ODAD2: variants seen among roughly 807,000 people sequenced by gnomAD.
ODAD2 encodes outer dynein arm-docking complex subunit 2.
A neutral mutation model predicts 106.8 loss-of-function variants in ODAD2; 89 were observed. The ratio of observed to expected loss-of-function variants is 0.83; its 90% CI spans 0.70 to 0.99. ODAD2 has a LOEUF of 0.99. ODAD2 is among the 50% of genes least tolerant of loss of function. The probability of loss-of-function intolerance (pLI) is 0.00; values close to 1 mark genes in which losing one functional copy is unlikely to be tolerated. For synonymous variants in ODAD2, 404 were observed against 436.2 expected (o/e 0.93, Z 0.92); for missense variants, 1,168 against 1,238.5 (o/e 0.94, Z 0.85).
Position 27,979,469 on chromosome 10 carries a change from CACAG to C in ODAD2, c.936+1993_936+1996del, listed in dbSNP as rs773501522. ...ATACACACACACACACACACACACA[CACAG>C]AGTTAAATGAATTCAGTGAAGTTGC... On this transcript the variant is annotated intron_variant, in intron 7 of 19. Coordinates refer to ENST00000305242, the MANE Select transcript of ODAD2 (RefSeq NM_018076.5). 2.6e-3 allele frequency among the ~76,000 whole-genome samples: 383 copies of C among 149,678 alleles called. 2 individuals carry two copies. Among genetic ancestry groups the C allele is most frequent in the South Asian group, 0.017 (79 of 4,658 alleles).
At chr10:27,929,357 T>C (rs894668178) in intron 16 of ODAD2, among the ~76,000 whole-genome samples, 3 of 152,164 alleles carry the variant, frequency 2.0e-5, no homozygotes, top group Non-Finnish European at 2.9e-5. Context: ...ATGATAAAAT[T>C]TGCATACTTA....
intron 9 of ODAD2, among the ~76,000 whole-genome samples, chr10:27,963,948 A>G (rs917733517): frequency 1.2e-4 from 19 of 152,220 alleles, no homozygotes; most frequent in South Asian, 8.3e-4. Flanking sequence ...TGGGCCGGGC[A>G]TGGTGGCTCA....
At chr10:27,889,359 AAGAAG>A (rs1373845106) in intron 17 of ODAD2, among the ~76,000 whole-genome samples, 28 of 152,208 alleles carry the variant, frequency 1.8e-4, no homozygotes, top group African/African-American at 5.8e-4. Flanking sequence ...AAGAAGATGA[AAGAAG>A]AGAAAACAGC....
rs556609832 is a variant in ODAD2, at chr10:27,877,067, G to GA, written c.2611-14446dup. On this transcript the variant is annotated intron_variant, in intron 17 of 19. Transcript: ENST00000305242. ...CATTCAAAAATATTTGTTGAATTGT[G>GA]AAAAAAAAAAGGCAGTTTTAACTTT... 9.9e-3 allele frequency among the ~76,000 whole-genome samples: 1,469 copies of GA among 147,642 alleles called. 29 individuals are homozygous for GA. Among genetic ancestry groups the GA allele is most frequent in the African/African-American group, 0.033 (1,339 of 40,132 alleles).
intron 10 of ODAD2, among the ~76,000 whole-genome samples, chr10:27,952,394 AT>A (rs557253279): frequency 0.027 from 3,921 of 146,522 alleles, 58 homozygotes; most frequent in Middle Eastern, 0.058. Flanking sequence ...TTTTTATTTT[AT>A]TTTTTTTTTT....
chr10:27,831,866 G>T (rs1368391736), intron 19 of ODAD2, among the ~76,000 whole-genome samples: 2 of 152,230 alleles, frequency 1.3e-5, no homozygotes, highest in African/African-American at 4.8e-5. Flanking sequence ...GGGTCCATGG[G>T]TATATGTGGC....
At chr10:27,862,705 G>T in intron 17 of ODAD2, 83 bp from the exon 18 acceptor site, 1 of 940,506 alleles carries the variant, frequency 1.1e-6, no homozygotes, top group Non-Finnish European at 1.5e-6. Context: ...TAACAATACA[G>T]CTGTGAGGTA....
At chr10:27,916,130 G>C (rs1844357132) in intron 16 of ODAD2, among the ~76,000 whole-genome samples, 1 of 152,076 alleles carries the variant, frequency 6.6e-6, no homozygotes, top group South Asian at 2.1e-4. Context: ...CTGAGAATTA[G>C]CCTGGTATGT....
chr10:27,970,380 A>G (rs187561091), intron 8 of ODAD2, among the ~76,000 whole-genome samples: 1 of 152,274 alleles, frequency 6.6e-6, no homozygotes, highest in East Asian at 1.9e-4. Flanking sequence ...GATTAGCTCC[A>G]TATAATTTTC....
intron 7 of ODAD2, among the ~76,000 whole-genome samples, chr10:27,977,242 T>C (rs1007413053): frequency 6.6e-6 from 1 of 152,044 alleles, no homozygotes; most frequent in Non-Finnish European, 1.5e-5. Context: ...AGACTCTTGC[T>C]CTTTGAAAGA....
chr10:27,860,793 C>T lies in ODAD2; in HGVS notation c.2853G>A (p.Met951Ile), dbSNP rs1274613996. The change falls in exon 19 of 20, where the codon ATG becomes ATA. Residue 951 changes from methionine to isoleucine, a missense_variant. Met to Ile is a conservative substitution (Grantham distance 10, BLOSUM62 1). Coordinates refer to ENST00000305242, the MANE Select transcript of ODAD2 (RefSeq NM_018076.5). ...CGAAGGCCACTCTATTCCTGCCCCA[C>T]ATACAGCAACGTGAAATAGCTTCTG... ...HLAEAISRCC[M>I]WGRNRVAFGE... 6.2e-7 allele frequency: 1 copy of T among 1,614,196 alleles called. No homozygotes were observed. Among genetic ancestry groups the T allele is most frequent in the Non-Finnish European group, 8.5e-7 (1 of 1,180,024 alleles).
chr10:27,883,320 CA>C (rs1323615263), intron 17 of ODAD2, among the ~76,000 whole-genome samples: 1 of 151,774 alleles, frequency 6.6e-6, no homozygotes, highest in Non-Finnish European at 1.5e-5. Flanking sequence ...TCATGCATGA[CA>C]AAAAATGCAT....
intron 19 of ODAD2, among the ~76,000 whole-genome samples, chr10:27,860,078 T>G (rs1378789316): frequency 6.6e-6 from 1 of 152,230 alleles, no homozygotes. Context: ...AATTATGGAA[T>G]GATTATTTTA....
chr10:27,855,367 CTGTTTATTACTCTATATGTAGTA>C lies in ODAD2; in HGVS notation c.3021+5235_3021+5257del, dbSNP rs548544632. Among the ~76,000 whole-genome samples, 20 of 152,186 alleles carry C rather than the reference CTGTTTATTACTCTATATGTAGTA, an allele frequency of 1.3e-4. 1 individual carries two copies. The South Asian group carries it at 3.9e-3, about 30-fold the overall frequency. On this transcript the variant is annotated intron_variant, in intron 19 of 19. Transcript: ENST00000305242. ...ATTAAAAAGCCAATCAGAAACAAGT[CTGTTTATTACTCTATATGTAGTA>C]TATATTCATCGATACCAATTGGTTC...
chr10:27,901,038 GA>G (rs1317399597), intron 17 of ODAD2, among the ~76,000 whole-genome samples: 2 of 152,076 alleles, frequency 1.3e-5, no homozygotes, highest in Non-Finnish European at 1.5e-5. Context: ...TGAAATGGAG[GA>G]AAAAATCTTA....
intron 9 of ODAD2, among the ~76,000 whole-genome samples, chr10:27,962,099 C>T (rs1253164919): frequency 2.0e-5 from 3 of 152,064 alleles, no homozygotes; most frequent in African/African-American, 7.2e-5. Flanking sequence ...AAAGGAACTG[C>T]ATGAGGTGAA....
At chr10:27,918,694 A>G (rs1844563866) in intron 16 of ODAD2, among the ~76,000 whole-genome samples, 1 of 151,952 alleles carries the variant, frequency 6.6e-6, no homozygotes, top group African/African-American at 2.4e-5. Context: ...CCTGCCTAAT[A>G]AAGCACACAC....
chr10:27,854,457 A>G (rs957018638), intron 19 of ODAD2, among the ~76,000 whole-genome samples: 7 of 152,210 alleles, frequency 4.6e-5, no homozygotes, highest in Non-Finnish European at 1.0e-4. Flanking sequence ...ATAAATATTC[A>G]TTAACAAATG....
chr10:27,932,392 T>C (rs7097374), intron 16 of ODAD2, among the ~76,000 whole-genome samples: 4,714 of 152,254 alleles, frequency 0.031, 255 homozygotes, highest in African/African-American at 0.11. Flanking sequence ...TTTTGCACCA[T>C]CAAATATTAA....
Sources: allele counts gnomAD v4.1 joint callset (sites outside exome capture counted in the v4.1 genomes callset), GRCh38; gene constraint gnomAD v4.1.1; transcripts MANE v1.5; gene names NCBI Gene and HGNC (gene_info 2026-07-23, HGNC 2026-07-21).